The following BEND5 variants were observed in gnomAD, a reference collection of about 807,000 sequenced individuals.
BEND5 encodes the protein BEN domain containing 5.
A neutral mutation model predicts 43.9 loss-of-function variants in BEND5; 22 were observed. The ratio of observed to expected loss-of-function variants is 0.50; its 90% CI spans 0.36 to 0.72. The LOEUF (loss-of-function observed/expected upper bound fraction) is 0.72. Ranked by LOEUF, BEND5 falls within the 30% of genes least tolerant of loss-of-function variation. The pLI is 0.00. For synonymous variants in BEND5, 228 were observed against 225.9 expected (o/e 1.01, Z -0.08); for missense variants, 428 against 550.6 (o/e 0.78, Z 2.23).
At chr1:48,741,732 G>A (rs1405158412) in intron 4 of BEND5, among the ~76,000 whole-genome samples, 1 of 152,142 alleles carries the variant, frequency 6.6e-6, no homozygotes, top group Non-Finnish European at 1.5e-5. Context: ...AATAAACAGA[G>A]ACCTTTTGAA....
intron 1 of BEND5, 45 bp downstream of exon 1, chr1:48,776,561 A>C: frequency 1.7e-4 from 127 of 748,210 alleles, no homozygotes; most frequent in Middle Eastern, 5.1e-4. Flanking sequence ...CCGGGGTCCC[A>C]GCCCCCGCCC....
intron 5 of BEND5, among the ~76,000 whole-genome samples, chr1:48,731,062 T>C (rs2148556018): frequency 6.6e-6 from 1 of 152,328 alleles, no homozygotes; most frequent in East Asian, 1.9e-4. Context: ...ACCAACTCTG[T>C]GAGCATAAAG....
At position 48,776,868 on chromosome 1, in the gene BEND5, A is replaced by G. The variant is rs1645121345; in HGVS notation, c.-37T>C. The stretch of plus-strand genomic sequence containing the variant: ...GGGGCGGGCCCCGGTCGGGCAGCTC[A>G]GCCCGCGGGGCGGGCGCGGAGGTGG... On this transcript the variant is annotated 5_prime_UTR_variant, in exon 1 of 6. Transcript: ENST00000371833. 1.6e-6 allele frequency: 2 copies of G among 1,285,140 alleles called. No individual in the cohort carries two copies. The highest frequency in any genetic ancestry group is 1.4e-5 in the South Asian group (1 of 70,604). 79.6% of individuals were successfully genotyped at this position (1,285,140 alleles called of 1,614,324 possible). A position where few individuals can be genotyped will look rare whatever the true frequency, so the allele number is the denominator to read the frequency against.
Position 48,736,265 on chromosome 1 carries a change from G to A in BEND5, c.1082C>T (p.Ser361Leu). ...TCTGACGATGCTTAGTTTGTGAGGCGAGAGGGGTGGTTTAGGGACTGCATC... is the reference window on the plus strand; with the variant it reads ...TCTGACGATGCTTAGTTTGTGAGGCAAGAGGGGTGGTTTAGGGACTGCATC... ...KKDAVPKPPL[S>L]PHKLSIVREC... The change falls in exon 5 of 6, where the codon TCG (serine) becomes TTG (leucine). Residue 361 changes from serine (S) to leucine (L), a missense_variant. Around this residue, in one of 4 missense-constraint regions of BEND5, gnomAD observed 75 missense variants for 148.5 expected, o/e 0.50. Coordinates refer to ENST00000371833, the MANE Select transcript of BEND5 (RefSeq NM_024603.4). The surrounding 1 kb of genome is among the most constrained non-coding windows in gnomAD (Gnocchi z 4.0). The A allele has an allele frequency of 1.2e-6, 2 of 1,614,190 alleles. No individual in the cohort carries two copies. Among genetic ancestry groups the A allele is most frequent in the Non-Finnish European group, 1.7e-6 (2 of 1,180,012 alleles).
intron 1 of BEND5, 32 bp downstream of exon 1, chr1:48,776,574 G>A: frequency 7.3e-7 from 1 of 1,372,534 alleles, no homozygotes; most frequent in Non-Finnish European, 9.4e-7. Context: ...CCCCGCCCGG[G>A]TCCCACCGTC....
chr1:48,743,889 A>C (rs1451713120), intron 3 of BEND5, among the ~76,000 whole-genome samples: 2 of 152,244 alleles, frequency 1.3e-5, no homozygotes, highest in African/African-American at 4.8e-5. Context: ...CCCAGGAGAG[A>C]ATCTCAATCC....
chr1:48,731,353 T>C (rs1335333639), intron 5 of BEND5, among the ~76,000 whole-genome samples: 5 of 152,228 alleles, frequency 3.3e-5, no homozygotes, highest in Non-Finnish European at 4.4e-5. Context: ...CCAGTTCAGC[T>C]TGGCTGTCTC....
chr1:48,743,449 G>T (rs774789896), intron 3 of BEND5, among the ~76,000 whole-genome samples: 3 of 152,168 alleles, frequency 2.0e-5, no homozygotes, highest in Non-Finnish European at 4.4e-5. Context: ...TTTAAAAATG[G>T]ACTGTTTTAT....
intron 4 of BEND5, among the ~76,000 whole-genome samples, chr1:48,738,454 CT>C (rs1401237184): frequency 6.6e-6 from 1 of 152,200 alleles, no homozygotes; most frequent in African/African-American, 2.4e-5. Context: ...CAAGTGTGGC[CT>C]TTTCTCCGCA....
At chr1:48,759,326 G>A (rs1271324277) in intron 2 of BEND5, 42 bp from the exon 3 acceptor site, 2 of 1,532,764 alleles carry the variant, frequency 1.3e-6, no homozygotes, top group South Asian at 1.2e-5. Context: ...AGGGCAGCTG[G>A]GATTTTCTTG....
At chr1:48,762,654 G>GTA (rs1557962491) in intron 1 of BEND5, among the ~76,000 whole-genome samples, 22 of 143,678 alleles carry the variant, frequency 1.5e-4, no homozygotes, top group Non-Finnish European at 3.0e-4. Flanking sequence ...GTGTGTGTGT[G>GTA]TGTGTATGTA....
At chr1:48,775,018 C>T (rs567667877) in intron 1 of BEND5, among the ~76,000 whole-genome samples, 37 of 152,348 alleles carry the variant, frequency 2.4e-4, no homozygotes, top group African/African-American at 8.7e-4. Flanking sequence ...CTAGTTATAA[C>T]TTCCTCAAGC....
At chr1:48,769,567 A>G (rs971701976) in intron 1 of BEND5, among the ~76,000 whole-genome samples, 27 of 146,518 alleles carry the variant, frequency 1.8e-4, no homozygotes, top group African/African-American at 7.0e-4. Context: ...ACACACACAC[A>G]CACAAGTTAA....
At chr1:48,773,220 TAGGCACAGAGA>T (rs1570624575) in intron 1 of BEND5, among the ~76,000 whole-genome samples, 1 of 151,998 alleles carries the variant, frequency 6.6e-6, no homozygotes, top group East Asian at 1.9e-4. Flanking sequence ...TTTAGGGCTC[TAGGCACAGAGA>T]AACCAGTTTG....
chr1:48,759,507 G>A, intron 2 of BEND5: 1 of 891,540 alleles, frequency 1.1e-6, no homozygotes, highest in Non-Finnish European at 1.6e-6. Flanking sequence ...CTTGCCCAAA[G>A]TCATAACCAG....
At chr1:48,743,519 A>G (rs1013146196) in intron 3 of BEND5, among the ~76,000 whole-genome samples, 3 of 152,240 alleles carry the variant, frequency 2.0e-5, no homozygotes, top group Non-Finnish European at 4.4e-5. Context: ...AAATGGGTAA[A>G]TAAGGCCAAA....
chr1:48,759,736 C>A (rs1644154854), intron 2 of BEND5, among the ~76,000 whole-genome samples: 2 of 152,188 alleles, frequency 1.3e-5, no homozygotes, highest in Admixed American at 6.5e-5. Flanking sequence ...TCTTCAACAA[C>A]AAAAACATAA....
chr1:48,744,905 C>G (rs979776861), intron 3 of BEND5, among the ~76,000 whole-genome samples: 2 of 152,220 alleles, frequency 1.3e-5, no homozygotes, highest in Non-Finnish European at 2.9e-5. Context: ...GCGCTGAACA[C>G]TACCTCATCT....
At chr1:48,752,318 T>G (rs1333544887) in intron 3 of BEND5, among the ~76,000 whole-genome samples, 2 of 152,180 alleles carry the variant, frequency 1.3e-5, no homozygotes, top group Non-Finnish European at 2.9e-5. Context: ...AAGAGAAGAC[T>G]GAGCCACAAC....
Sources: allele counts gnomAD v4.1 joint callset (sites outside exome capture counted in the v4.1 genomes callset), GRCh38; gene constraint gnomAD v4.1.1; regional missense constraint gnomAD v4.1.1; non-coding constraint Gnocchi (gnomAD v3.1); transcripts MANE v1.5; gene names NCBI Gene and HGNC (gene_info 2026-07-23, HGNC 2026-07-21).